The following DDX10 variants were observed in gnomAD, a reference collection of about 807,000 sequenced individuals.
DDX10 encodes DEAD-box helicase 10.
A neutral mutation model predicts 104.3 loss-of-function variants in DDX10; 74 were observed. The observed-to-expected ratio is 0.71, with a 90% CI of 0.59 to 0.86. The LOEUF is 0.86. Ranked by LOEUF, DDX10 falls within the 40% of genes least tolerant of loss-of-function variation. The probability of loss-of-function intolerance (pLI) is 0.00; values close to 1 mark genes in which losing one functional copy is unlikely to be tolerated. For synonymous variants in DDX10, 351 were observed against 353.4 expected, an observed-to-expected ratio of 0.99 and a Z score of 0.08; for missense variants, 952 against 1,040.0, an observed-to-expected ratio of 0.92 and a Z score of 1.16.
chr11:108,770,246 AT>A (rs1164492616), intron 13 of DDX10, among the ~76,000 whole-genome samples: 1 of 152,222 alleles, frequency 6.6e-6, no homozygotes, highest in African/African-American at 2.4e-5. Context: ...ATTATGGAGA[AT>A]GGGCTATCTA....
At chr11:108,918,269 G>A (rs1432900751) in intron 17 of DDX10, 1 of 418,740 alleles carries the variant, frequency 2.4e-6, no homozygotes, top group Non-Finnish European at 4.1e-6. Context: ...TGATATATGA[G>A]TTGTGTTTTT....
chr11:108,855,607 G>A (rs149258034), intron 16 of DDX10, among the ~76,000 whole-genome samples: 1,558 of 152,160 alleles, frequency 0.01, 26 homozygotes, highest in African/African-American at 0.036. Context: ...CTACACGCAT[G>A]TGCCACCACG....
chr11:108,847,390 A>G (rs1416822440), intron 15 of DDX10, among the ~76,000 whole-genome samples: 1 of 152,210 alleles, frequency 6.6e-6, no homozygotes, highest in Admixed American at 6.5e-5. Context: ...ATCACAGCTG[A>G]GAATAGAGAA....
intron 13 of DDX10, among the ~76,000 whole-genome samples, chr11:108,826,248 T>A (rs1165529032): frequency 1.3e-5 from 2 of 152,186 alleles, no homozygotes; most frequent in African/African-American, 4.8e-5. Flanking sequence ...GTGTGCTGAC[T>A]TTCATCCAGT....
At chr11:108,766,053 A>G (rs991850952) in intron 13 of DDX10, among the ~76,000 whole-genome samples, 7 of 152,186 alleles carry the variant, frequency 4.6e-5, no homozygotes, top group Admixed American at 4.6e-4. Flanking sequence ...TTTAAAAATG[A>G]TTTTGATTTG....
In DDX10 at chr11:108,677,166, G is replaced by T; in HGVS notation, c.460G>T (p.Ala154Ser). Residue 154 changes from alanine (A) to serine (S), a missense_variant, in exon 4 of 18, where the codon GCC becomes TCC. Ala to Ser is a moderately conservative substitution (Grantham distance 99). Coordinates refer to ENST00000322536, the MANE Select transcript of DDX10 (RefSeq NM_004398.4). The part of the protein sequence containing the change: ...VLIISPTREL[A>S]YQTFEVLRKV... ...CATAATATCACCTACGAGAGAACTG[G>T]CCTATCAGACCTTTGAGGTTCTCCG... The T allele has an allele frequency of 6.2e-7, 1 of 1,613,962 alleles. No individual in the cohort carries two copies. Among genetic ancestry groups the T allele is most frequent in the Admixed American group, 1.7e-5 (1 of 59,994 alleles).
intron 13 of DDX10, among the ~76,000 whole-genome samples, chr11:108,833,071 G>T (rs1327271069): frequency 6.6e-6 from 1 of 152,192 alleles, no homozygotes; most frequent in African/African-American, 2.4e-5. Flanking sequence ...TAAAAAGAAT[G>T]ACGTGGAACT....
chr11:108,838,534 A>C lies in DDX10; in HGVS notation c.2054A>C (p.Asn685Thr), dbSNP rs144778302. ...GTAATGAAGAGAAATTTTAAAGTGA[A>C]TAAGAAGATAACATTTACTGATGAA... is the stretch of plus-strand genomic sequence containing the variant. ...KKVMKRNFKV[N>T]KKITFTDEGE... is the part of the protein sequence containing the mutation. The change falls in exon 14 of 18, where the codon AAT (asparagine) becomes ACT (threonine). Residue 685 changes from asparagine (N) to threonine (T), a missense_variant. Transcript: ENST00000322536. 6.2e-7 allele frequency: 1 copy of C among 1,611,664 alleles called. No individual in the cohort carries two copies.
intron 2 of DDX10, among the ~76,000 whole-genome samples, chr11:108,675,036 ATGT>A (rs1483045813): frequency 6.6e-6 from 1 of 151,670 alleles, no homozygotes; most frequent in African/African-American, 2.4e-5. Context: ...AGGTTCATCC[ATGT>A]TGTTGTAAAT....
chr11:108,807,901 C>T (rs1862122088), intron 13 of DDX10, among the ~76,000 whole-genome samples: 1 of 152,110 alleles, frequency 6.6e-6, no homozygotes, highest in South Asian at 2.1e-4. Context: ...GAGATGGATC[C>T]ATAGTTACTG....
chr11:108,814,129 A>G (rs967351290), intron 13 of DDX10, among the ~76,000 whole-genome samples: 3 of 152,144 alleles, frequency 2.0e-5, no homozygotes, highest in African/African-American at 7.2e-5. Context: ...AAGCTTTATT[A>G]GGAAGTATAG....
chr11:108,742,609 C>G (rs908638459), intron 13 of DDX10, among the ~76,000 whole-genome samples: 1 of 151,956 alleles, frequency 6.6e-6, no homozygotes, highest in African/African-American at 2.4e-5. Context: ...TCAATAAATC[C>G]AGGGGTTGCT....
Position 108,918,036 on chromosome 11 carries a change from G to A in DDX10, c.2450+18G>A. 6.2e-7 allele frequency: 1 copy of A among 1,604,902 alleles called. No individual in the cohort carries two copies. Among genetic ancestry groups the A allele is most frequent in the Non-Finnish European group, 8.5e-7 (1 of 1,171,884 alleles). ...AAAATAAGGTATGTTTTTACTATGG[G>A]TATGAAATACATACTTAGTACTCTC... On this transcript the variant is annotated intron_variant, in intron 17 of 17. Coordinates refer to ENST00000322536, the MANE Select transcript of DDX10 (RefSeq NM_004398.4).
At chr11:108,862,019 T>TCC (rs1351218490) in intron 16 of DDX10, among the ~76,000 whole-genome samples, 1 of 152,076 alleles carries the variant, frequency 6.6e-6, no homozygotes, top group Non-Finnish European at 1.5e-5. Flanking sequence ...TCTCTCTCTC[T>TCC]CCCTTTCATC....
chr11:108,807,918 T>C (rs1239518728), intron 13 of DDX10, among the ~76,000 whole-genome samples: 1 of 152,142 alleles, frequency 6.6e-6, no homozygotes, highest in Non-Finnish European at 1.5e-5. Context: ...ACTGGCAAGG[T>C]GGAAGGTAAA....
intron 16 of DDX10, among the ~76,000 whole-genome samples, chr11:108,862,544 T>G (rs1779208808): frequency 6.6e-6 from 1 of 152,230 alleles, no homozygotes; most frequent in Non-Finnish European, 1.5e-5. Flanking sequence ...TCTTTTAAAA[T>G]CCCCTTGTTC....
At chr11:108,915,075 A>G (rs1863729204) in intron 16 of DDX10, among the ~76,000 whole-genome samples, 1 of 152,172 alleles carries the variant, frequency 6.6e-6, no homozygotes, top group Admixed American at 6.5e-5. Context: ...GAAAGGAGAG[A>G]TGAAAAAGAG....
At chr11:108,738,334 T>C (rs2094320825) in intron 13 of DDX10, among the ~76,000 whole-genome samples, 1 of 151,946 alleles carries the variant, frequency 6.6e-6, no homozygotes, top group African/African-American at 2.4e-5. Context: ...TTAAGAGTTT[T>C]TTAAGTTGGC....
At chr11:108,852,749 T>C (rs1862812212) in intron 16 of DDX10, among the ~76,000 whole-genome samples, 1 of 152,224 alleles carries the variant, frequency 6.6e-6, no homozygotes, top group Non-Finnish European at 1.5e-5. Context: ...TGTACAATTA[T>C]AAACACTGTC....
Sources: gnomAD v4.1 joint callset for allele counts (sites outside exome capture counted in the v4.1 genomes callset) on GRCh38, gnomAD v4.1.1 for gene constraint, MANE v1.5 for transcripts, NCBI Gene and HGNC (gene_info 2026-07-23, HGNC 2026-07-21) for gene names.